Variants in DCP1A observed in about 807,000 individuals in gnomAD.
DCP1A encodes decapping mRNA 1A, also known as mRNA-decapping enzyme 1A.
A neutral mutation model predicts 58.0 loss-of-function variants in DCP1A; 20 were observed. The ratio of observed to expected loss-of-function variants is 0.34; its 90% CI spans 0.24 to 0.50. The LOEUF (loss-of-function observed/expected upper bound fraction) is 0.50, where lower values mean the gene tolerates loss of function less well. Among genes scored for constraint, DCP1A ranks in the 20% least tolerant of loss-of-function variants. DCP1A has a pLI of 0.98. For synonymous variants in DCP1A, 285 were observed against 275.1 expected (o/e 1.04, Z -0.36); for missense variants, 613 against 712.2 (o/e 0.86, Z 1.59).
At chr3:53,342,064 A>C (rs782721346) in intron 3 of DCP1A, 80 bp downstream of exon 3, 354 of 1,278,224 alleles carry the variant, frequency 2.8e-4, no homozygotes, top group Non-Finnish European at 3.8e-4. Context: ...GTAATTTGAA[A>C]CTTCCTAAAT....
At chr3:53,338,024 G>A (rs2089144887) in intron 3 of DCP1A, 1 of 324,612 alleles carries the variant, frequency 3.1e-6, no homozygotes, top group East Asian at 7.7e-5. Context: ...TTACAGTAGA[G>A]TGGAAAGAAC....
chr3:53,347,535 AG>A lies in DCP1A; in HGVS notation c.-19del. On this transcript the variant is annotated 5_prime_UTR_variant, in exon 1 of 10. Transcript: ENST00000610213. ...GCCTCCATCTTGAATCCCAGAGCCT[AG>A]CCCCTCTGGTGGGGGCGGAGTCGCG... The A allele has an allele frequency of 6.2e-7, 1 of 1,601,190 alleles. No homozygotes were observed. The highest frequency in any genetic ancestry group is 1.1e-5 in the South Asian group (1 of 90,030).
At chr3:53,325,749 T>C (rs1708087831) in intron 3 of DCP1A, among the ~76,000 whole-genome samples, 1 of 151,520 alleles carries the variant, frequency 6.6e-6, no homozygotes, top group African/African-American at 2.4e-5. Context: ...TAGGAAAGAG[T>C]GAGAAGACAA....
At chr3:53,290,578 AC>A (rs1706820678) in intron 8 of DCP1A, 2 of 649,838 alleles carry the variant, frequency 3.1e-6, no homozygotes, top group East Asian at 5.4e-5. Flanking sequence ...TAAGCTGACA[AC>A]CTTTTACTTC....
intron 3 of DCP1A, among the ~76,000 whole-genome samples, chr3:53,323,837 G>A (rs1291209159): frequency 2.7e-5 from 4 of 149,896 alleles, no homozygotes; most frequent in Admixed American, 6.7e-5. Flanking sequence ...ACTCCAGTCT[G>A]GGTGACAGAA....
rs1553685457 is a variant in DCP1A at position 53,288,256 on chromosome 3, T to C, written c.1477A>G (p.Thr493Ala). 3.7e-6 allele frequency: 6 copies of C among 1,613,008 alleles called. No homozygotes were observed. The highest frequency in any genetic ancestry group is 4.5e-5 in the East Asian group (2 of 44,840). The change falls in exon 9 of 10, where the codon ACG (threonine) becomes GCG (alanine). Residue 493 changes from threonine (T) to alanine (A), a missense_variant. Thr to Ala is a moderately conservative substitution (Grantham distance 58). Transcript: ENST00000610213. ...PVAGAPLVTA[T>A]TTAVSSVLLA... ...AGGACTGAAGACACTGCAGTGGTCGTTGCAGTAACCAGTGGGGCGCCTGCA... is the reference window on the plus strand; with the variant it reads ...AGGACTGAAGACACTGCAGTGGTCGCTGCAGTAACCAGTGGGGCGCCTGCA...
At chr3:53,315,432 GGAGGCT>G (rs1403752467) in intron 4 of DCP1A, among the ~76,000 whole-genome samples, 2 of 151,438 alleles carry the variant, frequency 1.3e-5, no homozygotes, top group African/African-American at 2.4e-5. Flanking sequence ...CAGCTACTCG[GGAGGCT>G]GAGGCAGGAG....
chr3:53,323,418 T>C (rs944872558), intron 3 of DCP1A, among the ~76,000 whole-genome samples: 53 of 152,202 alleles, frequency 3.5e-4, no homozygotes, highest in Non-Finnish European at 2.2e-4. Flanking sequence ...ACTCCATATA[T>C]GGCAATTACA....
intron 2 of DCP1A, among the ~76,000 whole-genome samples, chr3:53,343,479 TG>T (rs2089245018): frequency 6.6e-6 from 1 of 152,194 alleles, no homozygotes; most frequent in Non-Finnish European, 1.5e-5. Context: ...TGCCTCTGTA[TG>T]ATAACAATAA....
At chr3:53,301,432 C>T (rs1553687407) in intron 6 of DCP1A, among the ~76,000 whole-genome samples, 1 of 151,978 alleles carries the variant, frequency 6.6e-6, no homozygotes, top group African/African-American at 2.4e-5. Flanking sequence ...ACCACCATGC[C>T]CGTCCAATTT....
intron 2 of DCP1A, among the ~76,000 whole-genome samples, chr3:53,344,150 A>G (rs1443487310): frequency 2.0e-5 from 3 of 151,954 alleles, no homozygotes; most frequent in African/African-American, 7.2e-5. Flanking sequence ...CAAAAAAAAA[A>G]GGGAAAAGAC....
rs1018335789 is a variant in DCP1A at position 53,290,107 on chromosome 3, A to C, written c.1449+684T>G. 1.2e-4 allele frequency among the ~76,000 whole-genome samples: 19 copies of C among 152,326 alleles called. 1 individual carries two copies. The highest frequency in any genetic ancestry group is 1.2e-3 in the Admixed American group (19 of 15,300). ...ACTCCAAGACTCAAGGAGGGTACAAAGGCTCAAAGGAAAACAGAAATGACT... is the reference window on the plus strand; with the variant it reads ...ACTCCAAGACTCAAGGAGGGTACAACGGCTCAAAGGAAAACAGAAATGACT... On this transcript the variant is annotated intron_variant, in intron 8 of 9. Transcript: ENST00000610213.
chr3:53,302,288 CAAAACA>C (rs1448029953), intron 6 of DCP1A, among the ~76,000 whole-genome samples: 10 of 152,178 alleles, frequency 6.6e-5, no homozygotes, highest in African/African-American at 2.4e-4. Flanking sequence ...GTAATTATCT[CAAAACA>C]AAAAGTCTAC....
intron 7 of DCP1A, 139 bp from the exon 8 acceptor site, chr3:53,290,995 T>G (rs1212679586): frequency 2.7e-6 from 2 of 754,066 alleles, no homozygotes; most frequent in Non-Finnish European, 4.5e-6. Context: ...AACTAGTTCC[T>G]AGATTCCCAA....
chr3:53,302,232 T>C (rs1273337106), intron 6 of DCP1A, among the ~76,000 whole-genome samples: 1 of 152,194 alleles, frequency 6.6e-6, no homozygotes, highest in Non-Finnish European at 1.5e-5. Context: ...GGGTAATGGG[T>C]ACATAGGATC....
intron 3 of DCP1A, among the ~76,000 whole-genome samples, chr3:53,327,460 G>A (rs1708141985): frequency 6.6e-6 from 1 of 152,210 alleles, no homozygotes; most frequent in South Asian, 2.1e-4. Context: ...TTAAATGTTG[G>A]TAGCAAATGC....
At chr3:53,310,175 T>C (rs994864424) in intron 5 of DCP1A, among the ~76,000 whole-genome samples, 1 of 152,264 alleles carries the variant, frequency 6.6e-6, no homozygotes, top group South Asian at 2.1e-4. Context: ...CCAAAGGGTT[T>C]CATTTTAATC....
At chr3:53,320,520 C>T (rs1413239893) in intron 3 of DCP1A, among the ~76,000 whole-genome samples, 1 of 152,116 alleles carries the variant, frequency 6.6e-6, no homozygotes, top group Non-Finnish European at 1.5e-5. Context: ...TTCCCTAGCA[C>T]AGAAATGGCA....
At chr3:53,321,039 T>C (rs1038478113) in intron 3 of DCP1A, among the ~76,000 whole-genome samples, 1 of 152,252 alleles carries the variant, frequency 6.6e-6, no homozygotes, top group Non-Finnish European at 1.5e-5. Flanking sequence ...TGGCCCAGTA[T>C]TGCTGGCAGG....
Sources: allele counts gnomAD v4.1 joint callset (sites outside exome capture counted in the v4.1 genomes callset), GRCh38; gene constraint gnomAD v4.1.1; transcripts MANE v1.5; gene names NCBI Gene and HGNC (gene_info 2026-07-23, HGNC 2026-07-21).